The following ZNF552 variants were observed in gnomAD, a reference collection of about 807,000 sequenced individuals.
The protein encoded by ZNF552 is zinc finger protein 552.
In ZNF552, 2 loss-of-function variants were observed where a neutral mutation model predicts 7.2. The ratio of observed to expected loss-of-function variants is 0.28; its 90% CI spans 0.11 to 0.88. The LOEUF (loss-of-function observed/expected upper bound fraction) is 0.88. ZNF552 is among the 40% of genes least tolerant of loss of function. The probability of loss-of-function intolerance (pLI) is 0.60; values close to 1 mark genes in which losing one functional copy is unlikely to be tolerated. For missense variants in ZNF552, 421 were observed against 493.4 expected (o/e 0.85, Z 1.39); for synonymous variants, 173 against 176.5 (o/e 0.98, Z 0.16).
rs1442876836 is a variant in ZNF552 at position 57,808,340 on chromosome 19, C to T, written c.924G>A (p.Lys308=). ...CTCTCTGGTGTGCAATGAGGTGGTA[C>T]TTGTGCCTAAAAAATTTCTGACAAA... ...CEVCQKFFRH[K]YHLIAHQRVH... The change falls in exon 3 of 3, where the codon AAG becomes AAA. Residue 308 remains lysine (K), a synonymous_variant. Coordinates refer to ENST00000391701, the MANE Select transcript of ZNF552 (RefSeq NM_024762.3). The T allele has an allele frequency of 1.9e-6, 3 of 1,613,448 alleles. No homozygotes were observed. The highest frequency in any genetic ancestry group is 3.3e-5 in the Admixed American group (2 of 59,984).
Position 57,814,817 on chromosome 19 carries a change from G to C in ZNF552, c.-74C>G, listed in dbSNP as rs1398543762. 7 of 1,466,364 alleles carry C rather than the reference G, an allele frequency of 4.8e-6. No individual in the cohort carries two copies. Among genetic ancestry groups the C allele is most frequent in the African/African-American group, 4.2e-5 (3 of 71,002 alleles). The allele number at this position is 1,466,364 out of a possible 1,614,324, so 90.8% of individuals were successfully genotyped here. A position where few individuals can be genotyped will look rare whatever the true frequency, so the allele number is the denominator to read the frequency against. On this transcript the variant is annotated 5_prime_UTR_variant, in exon 1 of 3. Transcript: ENST00000391701. Reference sequence around the variant, plus strand: ...AGCTGCAGAGTCACGTCTGTGCAAAGAGAAGAACGACTCTCGACCTCCTGG... The same window carrying C: ...AGCTGCAGAGTCACGTCTGTGCAAACAGAAGAACGACTCTCGACCTCCTGG...
intron 2 of ZNF552, among the ~76,000 whole-genome samples, chr19:57,810,885 T>C (rs1987842130): frequency 2.0e-5 from 3 of 152,230 alleles, no homozygotes; most frequent in Admixed American, 1.3e-4. Context: ...GGGCTGGAGG[T>C]GAGACATGCT....
At chr19:57,814,506 G>A in intron 1 of ZNF552, 4 of 1,536,438 alleles carry the variant, frequency 2.6e-6, no homozygotes, top group Non-Finnish European at 3.5e-6. Context: ...TCCATCTCCA[G>A]GCCATTGCCC....
chr19:57,811,715 C>CAAAAAAAA (rs1162967437), intron 2 of ZNF552, among the ~76,000 whole-genome samples: 8 of 49,696 alleles, frequency 1.6e-4, no homozygotes, highest in African/African-American at 1.9e-4. Context: ...AACTCCATCT[C>CAAAAAAAA]AAAAAAAAAA....
At chr19:57,812,414 A>G (rs1179350837) in intron 2 of ZNF552, among the ~76,000 whole-genome samples, 2 of 152,100 alleles carry the variant, frequency 1.3e-5, no homozygotes, top group Non-Finnish European at 2.9e-5. Context: ...ATTCATTTGC[A>G]TCTTCTGACC....
rs1172715069 is a variant in ZNF552, at chr19:57,808,791, T to C, written c.473A>G (p.Lys158Arg). The change falls in exon 3 of 3, where the codon AAG becomes AGG. Residue 158 changes from lysine to arginine, a missense_variant. This residue lies in a region of ZNF552 where 122 missense variants were observed against 199.7 expected (regional missense o/e 0.61). Transcript: ENST00000391701. ...RGSVEEALFAKRCKLHVSGES... is the reference protein window; with the variant it reads ...RGSVEEALFARRCKLHVSGES... ...CCCTGACACATGCAACTTACACCTCTTCGCAAACAACGCCTCCTCAACACT... is the reference window on the plus strand; with the variant it reads ...CCCTGACACATGCAACTTACACCTCCTCGCAAACAACGCCTCCTCAACACT... The C allele has an allele frequency of 6.2e-7, 1 of 1,614,180 alleles. No homozygotes were observed. Among genetic ancestry groups the C allele is most frequent in the Non-Finnish European group, 8.5e-7 (1 of 1,180,038 alleles).
At position 57,808,946 on chromosome 19, in the gene ZNF552, C is replaced by G; in HGVS notation, c.318G>C (p.Val106=). The part of the protein sequence containing the change: ...CGPILGDILH[V]ADHQGTHHKQ... ...TGTGATGTGTTCCCTGATGATCTGC[C>G]ACATGCAAAATGTCTCCCAAGATCG... Residue 106 remains valine (V), a synonymous_variant, in exon 3 of 3, where the codon GTG becomes GTC. Coordinates refer to ENST00000391701, the MANE Select transcript of ZNF552 (RefSeq NM_024762.3). 1 of 1,604,226 alleles carries G rather than the reference C, an allele frequency of 6.2e-7. No homozygotes were observed. The highest frequency in any genetic ancestry group is 8.5e-7 in the Non-Finnish European group (1 of 1,173,744).
At position 57,807,930 on chromosome 19, in the gene ZNF552, T is replaced by C; in HGVS notation, c.*110A>G. 7.3e-7 allele frequency: 1 copy of C among 1,363,176 alleles called. No individual in the cohort carries two copies. The highest frequency in any genetic ancestry group is 1.0e-6 in the Non-Finnish European group (1 of 1,001,462). 84.4% of individuals were successfully genotyped at this position (1,363,176 alleles called of 1,614,324 possible). ...CTCTTCTCTAGTGTGAACTCTCCAA[T>C]ATCCAAGGAGAGCAGACCTTTGGGT... On this transcript the variant is annotated 3_prime_UTR_variant, in exon 3 of 3. Coordinates refer to ENST00000391701, the MANE Select transcript of ZNF552 (RefSeq NM_024762.3).
chr19:57,808,594 T>C lies in ZNF552; in HGVS notation c.670A>G (p.Lys224Glu), dbSNP rs772023865. 12 of 1,614,114 alleles carry C rather than the reference T, an allele frequency of 7.4e-6. No homozygotes were observed. The Admixed American group carries it at 2.0e-4, about 27-fold the overall frequency. ...CGGCMKHFST[K>E]DILSQHERLL... Reference sequence around the variant, plus strand: ...CTCTCGTGCTGACTGAGTATATCTTTGGTGCTAAAATGTTTCATGCATCCT... The same window carrying C: ...CTCTCGTGCTGACTGAGTATATCTTCGGTGCTAAAATGTTTCATGCATCCT... Residue 224 changes from lysine (K) to glutamate (E), a missense_variant, in exon 3 of 3, where the codon AAA becomes GAA. Coordinates refer to ENST00000391701, the MANE Select transcript of ZNF552 (RefSeq NM_024762.3).
rs1360904353 is a variant in ZNF552, at chr19:57,808,801, A to G, written c.463T>C (p.Leu155=). 1.9e-6 allele frequency: 3 copies of G among 1,614,012 alleles called. No homozygotes were observed. The highest frequency in any genetic ancestry group is 2.2e-5 in the East Asian group (1 of 44,872). Reference sequence around the variant, plus strand: ...TGCAACTTACACCTCTTCGCAAACAACGCCTCCTCAACACTCCCTCTGTAG... The same window carrying G: ...TGCAACTTACACCTCTTCGCAAACAGCGCCTCCTCAACACTCCCTCTGTAG... ...KPYRGSVEEA[L]FAKRCKLHVS... Residue 155 remains leucine (L), a synonymous_variant, in exon 3 of 3, where the codon TTG becomes CTG. Coordinates refer to ENST00000391701, the MANE Select transcript of ZNF552 (RefSeq NM_024762.3).
Position 57,808,067 on chromosome 19 carries a change from C to T in ZNF552, c.1197G>A (p.Gln399=), listed in dbSNP as rs752933116. The change falls in exon 3 of 3, where the codon CAG becomes CAA. Residue 399 remains glutamine (Q), a synonymous_variant. Coordinates refer to ENST00000391701, the MANE Select transcript of ZNF552 (RefSeq NM_024762.3). ...FRQISSLRHH[Q]RVHKRKGL is the part of the protein sequence containing the mutation. ...ATAAGCCCTTTCTTTTGTGAACTCTCTGATGATGACGAAGTGAAGAGATTT... is the reference window on the plus strand; with the variant it reads ...ATAAGCCCTTTCTTTTGTGAACTCTTTGATGATGACGAAGTGAAGAGATTT... The T allele has an allele frequency of 2.2e-5, 36 of 1,613,178 alleles. No individual in the cohort carries two copies. The South Asian group carries it at 3.6e-4, about 16-fold the overall frequency.
rs201563296 is a variant in ZNF552 at position 57,808,658 on chromosome 19, C to T, written c.606G>A (p.Val202=). 3.1e-6 allele frequency: 5 copies of T among 1,614,206 alleles called. No individual in the cohort carries two copies. Among genetic ancestry groups the T allele is most frequent in the Admixed American group, 3.3e-5 (2 of 60,022 alleles). The change falls in exon 3 of 3, where the codon GTG becomes GTA. Residue 202 remains valine (V), a synonymous_variant. Transcript: ENST00000391701. ...GGCTTTTTCCCCCATGAAACAGAGA[C>T]ACACACTCAGTTTTGCTGTTTGACT... is the stretch of plus-strand genomic sequence containing the variant. ...TGKSNSKTEC[V]SLFHGGKSHY... is the part of the protein sequence containing the mutation.
chr19:57,813,652 C>T (rs1379895569), intron 1 of ZNF552, among the ~76,000 whole-genome samples: 4 of 151,992 alleles, frequency 2.6e-5, no homozygotes, highest in South Asian at 4.2e-4. Flanking sequence ...ACAGGCACTT[C>T]CCCTAGTATG....
At position 57,813,428 on chromosome 19, in the gene ZNF552, G is replaced by A. The variant is rs754600622; in HGVS notation, c.34-8C>T. ...TTCAAAAGTCACTGTGCCCTGTTAT[G>A]ATGTTGACAGATGAAACCACAAACC... is the stretch of plus-strand genomic sequence containing the variant. On this transcript the variant is annotated splice_region_variant and splice_polypyrimidine_tract_variant and intron_variant, in intron 1 of 2. Coordinates refer to ENST00000391701, the MANE Select transcript of ZNF552 (RefSeq NM_024762.3). 2.0e-5 allele frequency: 33 copies of A among 1,611,402 alleles called. No individual in the cohort carries two copies. The Admixed American group carries it at 3.0e-4, about 15-fold the overall frequency.
rs1377656241 is a variant in ZNF552 at position 57,808,473 on chromosome 19, C to T, written c.791G>A (p.Arg264Lys). ...SFSNHQGVHTREKPYTCGICG... is the reference protein window; with the variant it reads ...SFSNHQGVHTKEKPYTCGICG... ...TATCCCACACGTATAAGGTTTTTCT[C>T]TAGTGTGAACTCCTTGATGATTACT... is the stretch of plus-strand genomic sequence containing the variant. The change falls in exon 3 of 3, where the codon AGA becomes AAA. Residue 264 changes from arginine (R) to lysine (K), a missense_variant. Arg to Lys is a conservative substitution (Grantham distance 26). Coordinates refer to ENST00000391701, the MANE Select transcript of ZNF552 (RefSeq NM_024762.3). The T allele has an allele frequency of 6.2e-7, 1 of 1,613,796 alleles. No homozygotes were observed. Among genetic ancestry groups the T allele is most frequent in the Non-Finnish European group, 8.5e-7 (1 of 1,179,876 alleles).
At chr19:57,811,296 T>C (rs1987852120) in intron 2 of ZNF552, among the ~76,000 whole-genome samples, 1 of 151,916 alleles carries the variant, frequency 6.6e-6, no homozygotes. Flanking sequence ...CCTCAGCCTC[T>C]CCGAGTAGCT....
intron 2 of ZNF552, 168 bp downstream of exon 2, chr19:57,813,126 G>C (rs1351377315): frequency 1.7e-6 from 2 of 1,174,362 alleles, no homozygotes; most frequent in African/African-American, 3.1e-5. Context: ...AGGTGTTGGG[G>C]CTGCTCCAAG....
Position 57,811,799 on chromosome 19 carries a change from G to A in ZNF552, c.160+1495C>T, listed in dbSNP as rs528581598. On this transcript the variant is annotated intron_variant, in intron 2 of 2. Coordinates refer to ENST00000391701, the MANE Select transcript of ZNF552 (RefSeq NM_024762.3). ...TAATCCCAGCACTGTGGGAGGCAAA[G>A]GCAGGCGGATCATGAAGTCAGGAGT... Among the ~76,000 whole-genome samples the A allele has an allele frequency of 4.7e-5, 7 of 150,256 alleles. No homozygotes were observed. In the South Asian group the frequency reaches 1.0e-3, roughly 23 times the overall value.
intron 2 of ZNF552, among the ~76,000 whole-genome samples, chr19:57,811,379 G>T (rs537704847): frequency 6.6e-6 from 1 of 151,886 alleles, no homozygotes; most frequent in East Asian, 2.0e-4. Flanking sequence ...TTTCACCGTG[G>T]TCTCAATCTC....
Sources: allele counts gnomAD v4.1 joint callset (sites outside exome capture counted in the v4.1 genomes callset), GRCh38; gene constraint gnomAD v4.1.1; regional missense constraint gnomAD v4.1.1; transcripts MANE v1.5; gene names NCBI Gene and HGNC (gene_info 2026-07-23, HGNC 2026-07-21).